CNTN5: variants seen among roughly 807,000 people sequenced by gnomAD.
The protein encoded by CNTN5 is contactin 5.
CNTN5 carries 77 observed loss-of-function variants against 129.1 expected under a neutral mutation model. The ratio of observed to expected loss-of-function variants is 0.60; its 90% CI spans 0.50 to 0.72. The LOEUF is 0.72. Among genes scored for constraint, CNTN5 ranks in the 30% least tolerant of loss-of-function variants. The pLI is 0.00. For synonymous variants in CNTN5, 509 were observed against 465.6 expected, an observed-to-expected ratio of 1.09 and a Z score of -1.20; for missense variants, 1,478 against 1,328.8, an observed-to-expected ratio of 1.11 and a Z score of -1.75.
chr11:100,173,434 C>G lies in CNTN5; in HGVS notation c.1581-17692C>G, dbSNP rs1454826680. Among the ~76,000 whole-genome samples the G allele has an allele frequency of 2.6e-5, 4 of 152,082 alleles. No homozygotes were observed. The South Asian group carries it at 6.2e-4, about 24-fold the overall frequency. ...TAGGCAACAGACTTGCCGATTAGCT[C>G]TTGGCCCTGTTTGGACAGGAAGAGA... On this transcript the variant is annotated intron_variant, in intron 13 of 24. Coordinates refer to ENST00000524871, the MANE Select transcript of CNTN5 (RefSeq NM_014361.4).
chr11:99,831,144 A>G (rs929671860), intron 4 of CNTN5, among the ~76,000 whole-genome samples: 1 of 152,176 alleles, frequency 6.6e-6, no homozygotes, highest in African/African-American at 2.4e-5. Flanking sequence ...CATGATAACT[A>G]GGTTCCAATA....
intron 2 of CNTN5, among the ~76,000 whole-genome samples, chr11:99,357,289 A>G (rs962118613): frequency 6.6e-6 from 1 of 152,186 alleles, no homozygotes; most frequent in African/African-American, 2.4e-5. Flanking sequence ...AGTATTCAAT[A>G]TAGCCACCAG....
intron 16 of CNTN5, among the ~76,000 whole-genome samples, chr11:100,227,277 T>C: frequency 6.6e-6 from 1 of 152,152 alleles, no homozygotes; most frequent in East Asian, 1.9e-4. Flanking sequence ...AGATAGTCTA[T>C]AAAATTATTT....
chr11:99,266,045 G>C (rs1324144410), intron 1 of CNTN5, among the ~76,000 whole-genome samples: 1 of 152,052 alleles, frequency 6.6e-6, no homozygotes, highest in East Asian at 1.9e-4. Context: ...GATTAAGTTT[G>C]TCAGAGGAAG....
At chr11:99,994,627 G>A (rs1489858435) in intron 8 of CNTN5, among the ~76,000 whole-genome samples, 2 of 152,116 alleles carry the variant, frequency 1.3e-5, no homozygotes, top group Non-Finnish European at 2.9e-5. Context: ...GTGTTATTGT[G>A]TCATCAGATT....
chr11:100,237,138 G>A (rs1333642796), intron 16 of CNTN5, among the ~76,000 whole-genome samples: 1 of 143,518 alleles, frequency 7.0e-6, no homozygotes, highest in Admixed American at 7.4e-5. Flanking sequence ...GCAGTGAGCC[G>A]AGATCACAGC....
At chr11:99,261,596 CAG>C (rs1347124204) in intron 1 of CNTN5, among the ~76,000 whole-genome samples, 2 of 151,938 alleles carry the variant, frequency 1.3e-5, no homozygotes, top group Admixed American at 1.3e-4. Context: ...TTCATGTAAA[CAG>C]GGGCGTTGAC....
At chr11:100,338,212 C>A (rs993121074) in intron 21 of CNTN5, among the ~76,000 whole-genome samples, 1 of 152,172 alleles carries the variant, frequency 6.6e-6, no homozygotes, top group Non-Finnish European at 1.5e-5. Flanking sequence ...CTTTTGCTTT[C>A]AGCCAGCACT....
chr11:99,790,285 A>G (rs1447950678), intron 3 of CNTN5, among the ~76,000 whole-genome samples: 6 of 152,000 alleles, frequency 3.9e-5, no homozygotes, highest in African/African-American at 1.4e-4. Flanking sequence ...CACCCAGGTA[A>G]TAAGCATAGT....
intron 2 of CNTN5, among the ~76,000 whole-genome samples, chr11:99,522,649 G>GTTTGGA (rs1947313726): frequency 6.6e-6 from 1 of 152,010 alleles, no homozygotes; most frequent in African/African-American, 2.4e-5. Flanking sequence ...TTTAAAAATT[G>GTTTGGA]TTTGGATTTT....
At chr11:99,170,101 G>T (rs1045032598) in intron 1 of CNTN5, among the ~76,000 whole-genome samples, 2 of 151,802 alleles carry the variant, frequency 1.3e-5, no homozygotes, top group African/African-American at 4.8e-5. Context: ...TGTTTATTTT[G>T]CATGTTATTT....
At chr11:100,248,041 C>T (rs1949884831) in intron 16 of CNTN5, among the ~76,000 whole-genome samples, 1 of 152,106 alleles carries the variant, frequency 6.6e-6, no homozygotes, top group Non-Finnish European at 1.5e-5. Flanking sequence ...GATTGCCATG[C>T]CTGCTTCCCT....
At chr11:99,317,498 G>A (rs1865391139) in intron 1 of CNTN5, among the ~76,000 whole-genome samples, 1 of 152,064 alleles carries the variant, frequency 6.6e-6, no homozygotes, top group Non-Finnish European at 1.5e-5. Context: ...AGACGATAAA[G>A]GGTGAGATGT....
At chr11:100,088,623 A>G (rs1944643453) in intron 13 of CNTN5, among the ~76,000 whole-genome samples, 1 of 152,136 alleles carries the variant, frequency 6.6e-6, no homozygotes, top group Non-Finnish European at 1.5e-5. Flanking sequence ...ATGCACACAA[A>G]TCAGAATATC....
chr11:99,653,220 G>T (rs1417727840), intron 3 of CNTN5, among the ~76,000 whole-genome samples: 8 of 151,870 alleles, frequency 5.3e-5, no homozygotes, highest in Admixed American at 1.3e-4. Flanking sequence ...AGACAGATTG[G>T]ATTTGTACTA....
At chr11:99,431,463 A>G (rs984735867) in intron 2 of CNTN5, among the ~76,000 whole-genome samples, 5 of 152,192 alleles carry the variant, frequency 3.3e-5, no homozygotes, top group African/African-American at 1.2e-4. Flanking sequence ...ATTCTAGAAA[A>G]GGAATTGTAC....
At chr11:99,336,827 C>CAAAAAAAAAG (rs1194485355) in intron 2 of CNTN5, among the ~76,000 whole-genome samples, 4 of 135,158 alleles carry the variant, frequency 3.0e-5, no homozygotes, top group Non-Finnish European at 6.4e-5. Flanking sequence ...GACTCTGTCT[C>CAAAAAAAAAG]AAAAAAAAAG....
intron 1 of CNTN5, among the ~76,000 whole-genome samples, chr11:99,128,542 G>T (rs1858763817): frequency 6.6e-6 from 1 of 152,182 alleles, no homozygotes; most frequent in African/African-American, 2.4e-5. Flanking sequence ...AAGTTCAGTG[G>T]GCTTAATCTT....
intron 3 of CNTN5, among the ~76,000 whole-genome samples, chr11:99,743,580 T>C (rs1040551171): frequency 2.0e-5 from 3 of 152,170 alleles, no homozygotes; most frequent in Non-Finnish European, 4.4e-5. Flanking sequence ...AGCTAAGTAA[T>C]GAGTGTTTCT....
Sources: gnomAD v4.1 joint callset for allele counts (sites outside exome capture counted in the v4.1 genomes callset) on GRCh38, gnomAD v4.1.1 for gene constraint, MANE v1.5 for transcripts, NCBI Gene and HGNC (gene_info 2026-07-23, HGNC 2026-07-21) for gene names.